The following CAAP1 variants were observed in gnomAD, a reference collection of about 807,000 sequenced individuals.
CAAP1 encodes the protein conserved anti-apoptotic protein.
CAAP1 carries 20 observed loss-of-function variants against 34.0 expected under a neutral mutation model. That is an observed-to-expected ratio of 0.59 (90% CI 0.41 to 0.86). The LOEUF is 0.86. Among genes scored for constraint, CAAP1 ranks in the 40% least tolerant of loss-of-function variants. CAAP1 has a pLI of 0.00. For synonymous variants in CAAP1, 213 were observed against 166.7 expected (o/e 1.28, Z -2.14); for missense variants, 538 against 450.5 (o/e 1.19, Z -1.76).
chr9:26,861,532 T>C (rs564135982), intron 4 of CAAP1, among the ~76,000 whole-genome samples: 2 of 152,318 alleles, frequency 1.3e-5, no homozygotes, highest in East Asian at 3.9e-4. Flanking sequence ...TTATATTCAT[T>C]TAATTTCATA....
intron 3 of CAAP1, 43 bp from the exon 4 acceptor site, chr9:26,884,928 A>G (rs1823695109): frequency 7.5e-7 from 1 of 1,334,284 alleles, no homozygotes; most frequent in Non-Finnish European, 1.1e-6. Flanking sequence ...TTATAAAAAC[A>G]TTAAAATGAT....
intron 4 of CAAP1, 151 bp downstream of exon 4, chr9:26,884,659 C>G: frequency 1.5e-6 from 1 of 666,294 alleles, no homozygotes; most frequent in Non-Finnish European, 2.6e-6. Context: ...ACCAAAAGGA[C>G]CAATCATTAC....
At chr9:26,869,580 T>A (rs1473397293) in intron 4 of CAAP1, among the ~76,000 whole-genome samples, 4 of 152,176 alleles carry the variant, frequency 2.6e-5, no homozygotes, top group Admixed American at 6.6e-5. Flanking sequence ...GCTAATTGAG[T>A]ACAACTTTTC....
chr9:26,862,141 A>C (rs1823016936), intron 4 of CAAP1, among the ~76,000 whole-genome samples: 1 of 152,170 alleles, frequency 6.6e-6, no homozygotes, highest in Non-Finnish European at 1.5e-5. Flanking sequence ...TCACCTACTC[A>C]GATTTTATTC....
In CAAP1 at chr9:26,871,577, T is replaced by TCA. The variant is rs1428088176; in HGVS notation, c.666-10439_666-10438insTG. Among the ~76,000 whole-genome samples the TCA allele has an allele frequency of 5.1e-5, 6 of 117,444 alleles. No homozygotes were observed. In the East Asian group the frequency reaches 1.5e-3, roughly 30 times the overall value. The allele number at this position is 117,444 out of a possible 152,430, so 77.0% of individuals were successfully genotyped here. ...TGGTGACACGGCAAAACTCTGTCTT[T>TCA]AAAAAAAAAAAAAAAAAGATGGTGA... On this transcript the variant is annotated intron_variant, in intron 4 of 5. Transcript: ENST00000333916.
At chr9:26,875,253 G>A (rs1191905475) in intron 4 of CAAP1, among the ~76,000 whole-genome samples, 2 of 152,088 alleles carry the variant, frequency 1.3e-5, no homozygotes, top group Non-Finnish European at 2.9e-5. Flanking sequence ...AGGCGTGGTG[G>A]CATGCACCTG....
At chr9:26,851,096 C>T (rs1466819741) in intron 5 of CAAP1, among the ~76,000 whole-genome samples, 1 of 152,134 alleles carries the variant, frequency 6.6e-6, no homozygotes, top group Admixed American at 6.6e-5. Context: ...CTGCAAAGGC[C>T]TTAGAAGTAG....
Position 26,853,451 on chromosome 9 carries a change from T to C in CAAP1, c.739+7615A>G, listed in dbSNP as rs1049846555. On this transcript the variant is annotated intron_variant, in intron 5 of 5. Transcript: ENST00000333916. ...ACACAAGTGTTAGAAGTCTGAATTG[T>C]AGAAATAAGTTAGTAGTTGCCAGTC... 4.7e-4 allele frequency among the ~76,000 whole-genome samples: 71 copies of C among 152,204 alleles called. 2 individuals carry two copies. Among genetic ancestry groups the C allele is most frequent in the African/African-American group, 1.7e-3 (69 of 41,450 alleles).
chr9:26,866,134 A>T (rs940127495), intron 4 of CAAP1, among the ~76,000 whole-genome samples: 8 of 151,826 alleles, frequency 5.3e-5, no homozygotes, highest in Non-Finnish European at 1.2e-4. Context: ...AGCGTGAGCC[A>T]CCACACACAT....
chr9:26,850,662 G>A (rs930551229), intron 5 of CAAP1, among the ~76,000 whole-genome samples: 5 of 152,274 alleles, frequency 3.3e-5, no homozygotes, highest in South Asian at 2.1e-4. Context: ...GTCACTTAAC[G>A]TATACTAAAT....
intron 4 of CAAP1, among the ~76,000 whole-genome samples, chr9:26,865,942 G>GT (rs1214169067): frequency 6.6e-6 from 1 of 152,138 alleles, no homozygotes; most frequent in African/African-American, 2.4e-5. Context: ...CACCTCCCAG[G>GT]TTCCAGGGAT....
rs540305396 is a variant in CAAP1, at chr9:26,882,993, T to A, written c.665+1817A>T. Among the ~76,000 whole-genome samples, 3 of 152,300 alleles carry A rather than the reference T, an allele frequency of 2.0e-5. No individual in the cohort carries two copies. In the South Asian group the frequency reaches 6.2e-4, roughly 32 times the overall value. ...GGGGTGTATTTATCCAATGCCTGTA[T>A]CCCCATTATATCTAGGAAGTAACTA... On this transcript the variant is annotated intron_variant, in intron 4 of 5. Transcript: ENST00000333916.
intron 4 of CAAP1, among the ~76,000 whole-genome samples, chr9:26,863,924 T>C (rs1823066169): frequency 6.6e-6 from 1 of 152,092 alleles, no homozygotes; most frequent in Admixed American, 6.6e-5. Context: ...CCCAAGTAGC[T>C]AGGGCTACAG....
Position 26,892,505 on chromosome 9 carries a change from C to G in CAAP1, c.211G>C (p.Gly71Arg), listed in dbSNP as rs11545958. 2 of 1,567,134 alleles carry G rather than the reference C, an allele frequency of 1.3e-6. No individual in the cohort carries two copies. Among genetic ancestry groups the G allele is most frequent in the Non-Finnish European group, 1.7e-6 (2 of 1,155,380 alleles). The change falls in exon 1 of 6, where the codon GGC becomes CGC. Residue 71 changes from glycine (G) to arginine (R), a missense_variant. Gly to Arg is a moderately radical substitution (Grantham distance 125). Transcript: ENST00000333916. ...ACGCTGCTCCCGCCCCAACAGCTGCCGCCGCTCCCACCGCCGGTGACACTT... is the reference window on the plus strand; with the variant it reads ...ACGCTGCTCCCGCCCCAACAGCTGCGGCCGCTCCCACCGCCGGTGACACTT... ...SGSVTGGGSG[G>R]SCWGGSSVER...
intron 5 of CAAP1, among the ~76,000 whole-genome samples, chr9:26,844,776 T>C (rs911365753): frequency 2.0e-5 from 3 of 152,236 alleles, no homozygotes; most frequent in African/African-American, 7.2e-5. Context: ...ATACTCTTGA[T>C]TCCCTGAACC....
intron 4 of CAAP1, among the ~76,000 whole-genome samples, chr9:26,883,193 G>A (rs937656401): frequency 2.6e-5 from 4 of 152,120 alleles, no homozygotes; most frequent in Admixed American, 6.5e-5. Flanking sequence ...AGGGGCCGGG[G>A]CAGAATGATA....
At chr9:26,864,334 A>G (rs1450555125) in intron 4 of CAAP1, among the ~76,000 whole-genome samples, 1 of 152,142 alleles carries the variant, frequency 6.6e-6, no homozygotes, top group Non-Finnish European at 1.5e-5. Context: ...ATGAACCCCT[A>G]AAAGTTAAAA....
At chr9:26,886,893 G>T (rs1013145409) in intron 2 of CAAP1, among the ~76,000 whole-genome samples, 1 of 152,134 alleles carries the variant, frequency 6.6e-6, no homozygotes, top group African/African-American at 2.4e-5. Flanking sequence ...TTTTCAAGTA[G>T]CTTATTTTAG....
intron 3 of CAAP1, among the ~76,000 whole-genome samples, chr9:26,885,842 G>C (rs1823724670): frequency 6.6e-6 from 1 of 151,796 alleles, no homozygotes; most frequent in South Asian, 2.1e-4. Flanking sequence ...ACAGATTTTT[G>C]GTAAACATTT....
Sources: allele counts gnomAD v4.1 joint callset (sites outside exome capture counted in the v4.1 genomes callset), GRCh38; gene constraint gnomAD v4.1.1; transcripts MANE v1.5; gene names NCBI Gene and HGNC (gene_info 2026-07-23, HGNC 2026-07-21).